The following VGLL3 variants were observed in gnomAD, a reference collection of about 807,000 sequenced individuals.
VGLL3 encodes vestigial like family member 3, also known as transcription cofactor vestigial-like protein 3.
In VGLL3, 18 loss-of-function variants were observed where a neutral mutation model predicts 29.2. That is an observed-to-expected ratio of 0.62 (90% CI 0.43 to 0.91). VGLL3 has a LOEUF of 0.91. Among genes scored for constraint, VGLL3 ranks in the 40% least tolerant of loss-of-function variants. The pLI, the probability that VGLL3 is intolerant of heterozygous loss-of-function variation, is 0.00. For synonymous variants in VGLL3, 180 were observed against 151.8 expected (o/e 1.19, Z -1.36); for missense variants, 440 against 413.2 (o/e 1.06, Z -0.56).
rs778538629 is a variant in VGLL3 at position 86,961,910 on chromosome 3, T to C, written c.937+6680A>G. ...TGAAACAATCTCCTGCTAAACACAA[T>C]TTAAAATGCTTTTTTACTGAAGAAT... On this transcript the variant is annotated intron_variant, in intron 3 of 3. Coordinates refer to ENST00000398399, the MANE Select transcript of VGLL3 (RefSeq NM_016206.4). 2.0e-5 allele frequency: 20 copies of C among 976,614 alleles called. No individual in the cohort carries two copies. The African/African-American group carries it at 3.2e-4, about 15-fold the overall frequency. 60.5% of individuals were successfully genotyped at this position (976,614 alleles called of 1,614,324 possible).
rs1314487544 is a variant in VGLL3 at position 86,939,854 on chromosome 3, A to C, written c.*7170T>G. ...AAGGACTCTAGAAGCAGGGAACAGC[A>C]AGATTCTCTCTTGGAAGCATCCAGG... On this transcript the variant is annotated 3_prime_UTR_variant, in exon 4 of 4. Transcript: ENST00000398399. The C allele has an allele frequency of 6.6e-6, 1 of 152,202 alleles. No individual in the cohort carries two copies. The highest frequency in any genetic ancestry group is 1.9e-4 in the East Asian group (1 of 5,196). 9.4% of individuals were successfully genotyped at this position (152,202 alleles called of 1,614,324 possible). A position where few individuals can be genotyped will look rare whatever the true frequency, so the allele number is the denominator to read the frequency against.
rs1704405487 is a variant in VGLL3 at position 86,941,865 on chromosome 3, G to A, written c.*5159C>T. The A allele has an allele frequency of 6.6e-6, 1 of 151,922 alleles. No homozygotes were observed. The highest frequency in any genetic ancestry group is 1.5e-5 in the Non-Finnish European group (1 of 67,970). 9.4% of individuals were successfully genotyped at this position (151,922 alleles called of 1,614,324 possible). On this transcript the variant is annotated 3_prime_UTR_variant, in exon 4 of 4. Coordinates refer to ENST00000398399, the MANE Select transcript of VGLL3 (RefSeq NM_016206.4). ...CCAATCTCCATGACCAAGTTACCAT[G>A]AAAAGTAACATTTTGAAGTTATTGA...
chr3:86,971,360 G>A (rs1438803245), intron 2 of VGLL3, among the ~76,000 whole-genome samples: 2 of 152,198 alleles, frequency 1.3e-5, no homozygotes, highest in Non-Finnish European at 1.5e-5. Flanking sequence ...GGGCACCAGA[G>A]CTATGATCAT....
At chr3:86,972,286 C>T (rs1705117713) in intron 2 of VGLL3, among the ~76,000 whole-genome samples, 2 of 152,000 alleles carry the variant, frequency 1.3e-5, no homozygotes. Context: ...TTTTAAAATG[C>T]TCCAGGGAAA....
intron 3 of VGLL3, among the ~76,000 whole-genome samples, chr3:86,949,284 A>G (rs1704566620): frequency 6.6e-6 from 1 of 152,200 alleles, no homozygotes; most frequent in Non-Finnish European, 1.5e-5. Context: ...AAATTCATAT[A>G]TTCAATTTCT....
intron 3 of VGLL3, chr3:86,962,044 C>A (rs918518495): frequency 2.7e-5 from 27 of 984,458 alleles, no homozygotes; most frequent in Non-Finnish European, 3.0e-5. Context: ...TCAATTAAGC[C>A]CTTATTATCA....
Position 86,977,131 on chromosome 3 carries a change from A to G in VGLL3, c.403+1395T>C, listed in dbSNP as rs182146054. On this transcript the variant is annotated intron_variant, in intron 2 of 3. Transcript: ENST00000398399. ...TCAAGGCCTTGGATATTTTATTTGT[A>G]TTCCACCTTCCCCTTTATAGTCACT... 1.4e-3 allele frequency among the ~76,000 whole-genome samples: 209 copies of G among 152,234 alleles called. 1 individual carries two copies. The highest frequency in any genetic ancestry group is 0.013 in the Admixed American group (201 of 15,286).
rs1704498729 is a variant in VGLL3, at chr3:86,945,992, T to C, written c.*1032A>G. The C allele has an allele frequency of 6.6e-6, 1 of 152,104 alleles. No homozygotes were observed. The highest frequency in any genetic ancestry group is 2.4e-5 in the African/African-American group (1 of 41,442). 9.4% of individuals were successfully genotyped at this position (152,104 alleles called of 1,614,324 possible). ...TCAAATGCCCTTCAGGAAAAACAAA[T>C]CCCACTTAAAATATGACTTTTTAAA... On this transcript the variant is annotated 3_prime_UTR_variant, in exon 4 of 4. Transcript: ENST00000398399.
Position 86,943,967 on chromosome 3 carries a change from G to A in VGLL3, c.*3057C>T, listed in dbSNP as rs1163479053. 6.6e-6 allele frequency: 1 copy of A among 152,078 alleles called. No individual in the cohort carries two copies. 9.4% of individuals were successfully genotyped at this position (152,078 alleles called of 1,614,324 possible). ...AAGGTGGAGTGGTTTTAATAAAATTGTGGAGGCAGATAGTAGCCCTCAATA... is the reference window on the plus strand; with the variant it reads ...AAGGTGGAGTGGTTTTAATAAAATTATGGAGGCAGATAGTAGCCCTCAATA... On this transcript the variant is annotated 3_prime_UTR_variant, in exon 4 of 4. Coordinates refer to ENST00000398399, the MANE Select transcript of VGLL3 (RefSeq NM_016206.4).
intron 3 of VGLL3, among the ~76,000 whole-genome samples, chr3:86,961,446 C>T (rs1704840846): frequency 6.6e-6 from 1 of 151,980 alleles, no homozygotes; most frequent in Admixed American, 6.6e-5. Context: ...CACTAAAATG[C>T]CCGGAATGAT....
At chr3:86,954,851 CTT>C (rs937487145) in intron 3 of VGLL3, among the ~76,000 whole-genome samples, 23 of 148,614 alleles carry the variant, frequency 1.5e-4, no homozygotes, top group African/African-American at 5.7e-4. Context: ...ATGGAATACT[CTT>C]TGTAATTTCT....
intron 3 of VGLL3, among the ~76,000 whole-genome samples, chr3:86,960,957 A>G (rs865930308): frequency 8.4e-6 from 1 of 119,158 alleles, no homozygotes; most frequent in African/African-American, 2.7e-5. Flanking sequence ...ATATATATAT[A>G]TATATATATG....
chr3:86,958,155 T>C (rs190336389), intron 3 of VGLL3, among the ~76,000 whole-genome samples: 28 of 152,162 alleles, frequency 1.8e-4, no homozygotes, highest in Admixed American at 1.6e-3. Context: ...TGGTAATCGC[T>C]CAATTCCATT....
At chr3:86,956,508 C>T (rs975236792) in intron 3 of VGLL3, among the ~76,000 whole-genome samples, 17 of 152,204 alleles carry the variant, frequency 1.1e-4, no homozygotes, top group South Asian at 2.1e-4. Context: ...AATACTTGGC[C>T]TGGCGCAGTG....
chr3:86,980,156 G>T (rs1387599181), intron 1 of VGLL3, among the ~76,000 whole-genome samples: 1 of 144,458 alleles, frequency 6.9e-6, no homozygotes. Flanking sequence ...TGAAAAAAAC[G>T]CATGCTGGAA....
In VGLL3 at chr3:86,945,403, T is replaced by C. The variant is rs888526892; in HGVS notation, c.*1621A>G. 6.6e-6 allele frequency: 1 copy of C among 152,178 alleles called. No homozygotes were observed. Among genetic ancestry groups the C allele is most frequent in the Non-Finnish European group, 1.5e-5 (1 of 68,020 alleles). 9.4% of individuals were successfully genotyped at this position (152,178 alleles called of 1,614,324 possible). A position where few individuals can be genotyped will look rare whatever the true frequency, so the allele number is the denominator to read the frequency against. ...GAAAGTGGCATTTCACTGAACATAC[T>C]ATTTTATGTGGGTGGAGAGAAAAAT... On this transcript the variant is annotated 3_prime_UTR_variant, in exon 4 of 4. Transcript: ENST00000398399.
At chr3:86,958,173 T>C (rs994801352) in intron 3 of VGLL3, among the ~76,000 whole-genome samples, 2 of 152,134 alleles carry the variant, frequency 1.3e-5, no homozygotes, top group Non-Finnish European at 2.9e-5. Context: ...ATTTTTTTTT[T>C]GTTACTGCAA....
intron 3 of VGLL3, among the ~76,000 whole-genome samples, chr3:86,963,904 T>C (rs939263984): frequency 6.6e-6 from 1 of 152,190 alleles, no homozygotes; most frequent in Non-Finnish European, 1.5e-5. Context: ...CAATTAAAAG[T>C]TGGGATATAC....
In VGLL3 at chr3:86,938,989, G is replaced by C. The variant is rs150043624; in HGVS notation, c.*8035C>G. On this transcript the variant is annotated 3_prime_UTR_variant, in exon 4 of 4. Coordinates refer to ENST00000398399, the MANE Select transcript of VGLL3 (RefSeq NM_016206.4). ...CTTCAGCTAGGAAGAATCTGCACTA[G>C]ATGACCTGTTCTCCACCCCCTAGAC... The C allele has an allele frequency of 9.2e-5, 14 of 152,304 alleles. No homozygotes were observed. The highest frequency in any genetic ancestry group is 3.1e-4 in the African/African-American group (13 of 41,578). The allele number at this position is 152,304 out of a possible 1,614,324, so 9.4% of individuals were successfully genotyped here. A position where few individuals can be genotyped will look rare whatever the true frequency, so the allele number is the denominator to read the frequency against.
Sources: allele counts gnomAD v4.1 joint callset (sites outside exome capture counted in the v4.1 genomes callset), GRCh38; gene constraint gnomAD v4.1.1; transcripts MANE v1.5; gene names NCBI Gene and HGNC (gene_info 2026-07-23, HGNC 2026-07-21).